RIN2: variants seen among roughly 807,000 people sequenced by gnomAD.
RIN2 encodes the protein Ras and Rab interactor 2.
Under a neutral mutation model 78.0 loss-of-function variants are expected in RIN2, and 36 were observed. The ratio of observed to expected loss-of-function variants is 0.46; its 90% CI spans 0.35 to 0.61. RIN2 has a LOEUF of 0.61. Ranked by LOEUF, RIN2 falls within the 20% of genes least tolerant of loss-of-function variation. The pLI is 0.00. For synonymous variants in RIN2, 466 were observed against 466.8 expected, an observed-to-expected ratio of 1.00 and a Z score of 0.02; for missense variants, 1,087 against 1,159.7, an observed-to-expected ratio of 0.94 and a Z score of 0.91.
At chr20:19,944,620 G>A (rs936109372) in intron 4 of RIN2, among the ~76,000 whole-genome samples, 3 of 152,204 alleles carry the variant, frequency 2.0e-5, no homozygotes, top group Non-Finnish European at 4.4e-5. Flanking sequence ...CTGGCATGCA[G>A]CTGAAGGGAA....
In RIN2 at chr20:20,001,012, G is replaced by A; in HGVS notation, c.*76G>A. Reference sequence around the variant, plus strand: ...TGCCTTCCCGCTTCTACATGCTTGAGCTTGAAAAGCAGTCACCTCCTCGGG... The same window carrying A: ...TGCCTTCCCGCTTCTACATGCTTGAACTTGAAAAGCAGTCACCTCCTCGGG... On this transcript the variant is annotated 3_prime_UTR_variant, in exon 13 of 13. Transcript: ENST00000255006. 1.4e-6 allele frequency: 2 copies of A among 1,384,708 alleles called. No individual in the cohort carries two copies. The highest frequency in any genetic ancestry group is 9.8e-7 in the Non-Finnish European group (1 of 1,018,820). 85.8% of individuals were successfully genotyped at this position (1,384,708 alleles called of 1,614,324 possible).
chr20:19,942,682 A>G (rs2040928857), intron 4 of RIN2, among the ~76,000 whole-genome samples: 1 of 152,162 alleles, frequency 6.6e-6, no homozygotes, highest in Non-Finnish European at 1.5e-5. Context: ...ATGATTTTTC[A>G]CTGACCTACA....
rs2041890975 is a variant in RIN2, at chr20:19,964,992, A to T, written c.504A>T (p.Leu168Phe). ...LEGSGISFAD[L>F]FRLIAFYCIS... The stretch of plus-strand genomic sequence containing the variant: ...GCTCAGGAATCAGTTTCGCAGATTT[A>T]TTCCGGCTCATTGCTTTCTACTGCA... Residue 168 changes from leucine to phenylalanine, a missense_variant, in exon 7 of 13, where the codon TTA becomes TTT. Coordinates refer to ENST00000255006, the MANE Select transcript of RIN2 (RefSeq NM_018993.4). 6.8e-6 allele frequency: 11 copies of T among 1,613,642 alleles called. No homozygotes were observed. Among genetic ancestry groups the T allele is most frequent in the Non-Finnish European group, 9.3e-6 (11 of 1,179,822 alleles).
At chr20:19,769,003 C>A (rs1396924344) in intron 1 of RIN2, among the ~76,000 whole-genome samples, 1 of 149,834 alleles carries the variant, frequency 6.7e-6, no homozygotes, top group Non-Finnish European at 1.5e-5. Context: ...CTCACTGCAA[C>A]CTCTGCCTCT....
At chr20:19,761,501 T>C (rs990703234) in intron 1 of RIN2, among the ~76,000 whole-genome samples, 6 of 152,022 alleles carry the variant, frequency 3.9e-5, no homozygotes, top group African/African-American at 1.4e-4. Context: ...CCAACTTTAT[T>C]TGGCCACAGA....
chr20:19,973,618 G>C (rs970347625), intron 8 of RIN2, among the ~76,000 whole-genome samples: 2 of 152,156 alleles, frequency 1.3e-5, no homozygotes, highest in Middle Eastern at 3.4e-3. Flanking sequence ...GTGAAACCCC[G>C]TCTCTCCTAA....
At chr20:19,871,408 A>C (rs895300961) in intron 2 of RIN2, among the ~76,000 whole-genome samples, 1 of 152,206 alleles carries the variant, frequency 6.6e-6, no homozygotes, top group Non-Finnish European at 1.5e-5. Context: ...CTGAAGCTTC[A>C]TCTCATGAGG....
intron 1 of RIN2, among the ~76,000 whole-genome samples, chr20:19,785,198 C>T (rs1434672460): frequency 6.6e-6 from 1 of 152,020 alleles, no homozygotes; most frequent in Admixed American, 6.6e-5. Context: ...AGACAACGTG[C>T]AAGCAAAGCT....
At chr20:19,933,711 A>G (rs2040521926) in intron 3 of RIN2, among the ~76,000 whole-genome samples, 2 of 152,214 alleles carry the variant, frequency 1.3e-5, no homozygotes, top group African/African-American at 4.8e-5. Flanking sequence ...TCTGGGTGGG[A>G]TAAAAGCTAC....
intron 4 of RIN2, among the ~76,000 whole-genome samples, chr20:19,937,466 C>T (rs1297084554): frequency 6.6e-6 from 1 of 152,150 alleles, no homozygotes; most frequent in African/African-American, 2.4e-5. Context: ...GCCTATCCCA[C>T]CACAGCCACC....
intron 2 of RIN2, among the ~76,000 whole-genome samples, chr20:19,863,317 C>T (rs930458026): frequency 6.6e-6 from 1 of 152,220 alleles, no homozygotes; most frequent in Non-Finnish European, 1.5e-5. Flanking sequence ...TTGTGCGTTA[C>T]ATGAAACCAT....
chr20:19,917,174 G>C (rs1243277084), intron 3 of RIN2, among the ~76,000 whole-genome samples: 2 of 151,546 alleles, frequency 1.3e-5, no homozygotes, highest in African/African-American at 4.8e-5. Flanking sequence ...CCCAGCTTCA[G>C]GGAGGGAGAG....
Position 19,956,786 on chromosome 20 carries a change from C to T in RIN2, c.330C>T (p.Val110=). Residue 110 remains valine, a synonymous_variant, in exon 5 of 13, where the codon GTC becomes GTT. Coordinates refer to ENST00000255006, the MANE Select transcript of RIN2 (RefSeq NM_018993.4). ...LSLSEEEAAE[V]LQAQPPGIFL... is the part of the protein sequence containing the mutation. ...TGAGTGAGGAGGAGGCAGCAGAGGT[C>T]CTGCAGGCCCAGCCTCCGGGGGTAA... The T allele has an allele frequency of 6.3e-7, 1 of 1,592,684 alleles. No individual in the cohort carries two copies. The highest frequency in any genetic ancestry group is 8.6e-7 in the Non-Finnish European group (1 of 1,167,944).
rs186430070 is a variant in RIN2 at position 19,965,318 on chromosome 20, A to G, written c.536+294A>G. 1.4e-3 allele frequency among the ~76,000 whole-genome samples: 218 copies of G among 151,960 alleles called. 1 individual carries two copies. The highest frequency in any genetic ancestry group is 1.4e-3 in the Non-Finnish European group (96 of 68,016). On this transcript the variant is annotated intron_variant, in intron 7 of 12. Transcript: ENST00000255006. ...TTCAGCCAGGCCCATCAAGCAGGAAACACACACACACGCACATATGTGCAC... is the reference window on the plus strand; with the variant it reads ...TTCAGCCAGGCCCATCAAGCAGGAAGCACACACACACGCACATATGTGCAC...
chr20:19,964,931 T>C, intron 6 of RIN2, 21 bp from the exon 7 acceptor site: 1 of 1,610,318 alleles, frequency 6.2e-7, no homozygotes, highest in African/African-American at 1.3e-5. Context: ...AATCAGCTGG[T>C]TTCTGAAATC....
intron 2 of RIN2, among the ~76,000 whole-genome samples, chr20:19,852,622 C>T (rs1432857828): frequency 6.6e-6 from 1 of 152,194 alleles, no homozygotes; most frequent in African/African-American, 2.4e-5. Flanking sequence ...GGGCAGGCTG[C>T]TCCCTTGTTT....
At chr20:19,864,557 C>T (rs1237226803) in intron 2 of RIN2, among the ~76,000 whole-genome samples, 1 of 152,170 alleles carries the variant, frequency 6.6e-6, no homozygotes, top group Admixed American at 6.5e-5. Flanking sequence ...GGTTCCAATA[C>T]ACTTCTCCTT....
intron 6 of RIN2, among the ~76,000 whole-genome samples, chr20:19,963,136 A>T (rs183162552): frequency 5.3e-4 from 80 of 152,262 alleles, no homozygotes; most frequent in Admixed American, 3.1e-3. Flanking sequence ...TCCATTTTCC[A>T]GATGAGAAAA....
At chr20:19,763,483 T>C (rs567184459) in intron 1 of RIN2, among the ~76,000 whole-genome samples, 3 of 152,324 alleles carry the variant, frequency 2.0e-5, no homozygotes, top group Admixed American at 1.3e-4. Flanking sequence ...CACAAGTGAA[T>C]ACAGCCGCTA....
Sources: gnomAD v4.1 joint callset for allele counts (sites outside exome capture counted in the v4.1 genomes callset) on GRCh38, gnomAD v4.1.1 for gene constraint, MANE v1.5 for transcripts, NCBI Gene and HGNC (gene_info 2026-07-23, HGNC 2026-07-21) for gene names.